The following NRIP1 variants were observed in gnomAD, a reference collection of about 807,000 sequenced individuals.
NRIP1 encodes nuclear receptor-interacting protein 1.
A neutral mutation model predicts 75.0 loss-of-function variants in NRIP1; 28 were observed. That is an observed-to-expected ratio of 0.37 (90% CI 0.28 to 0.51). The LOEUF (loss-of-function observed/expected upper bound fraction) is 0.51, where lower values mean the gene tolerates loss of function less well. Among genes scored for constraint, NRIP1 ranks in the 20% least tolerant of loss-of-function variants. The pLI is 0.92. For missense variants in NRIP1, 1,435 were observed against 1,343.7 expected, an observed-to-expected ratio of 1.07 and a Z score of -1.06; for synonymous variants, 526 against 487.6, an observed-to-expected ratio of 1.08 and a Z score of -1.04.
intron 1 of NRIP1, among the ~76,000 whole-genome samples, chr21:15,060,362 C>G (rs1375308890): frequency 6.6e-6 from 1 of 152,124 alleles, no homozygotes; most frequent in Admixed American, 6.5e-5. Context: ...GATAAGACTT[C>G]AGGAGTTTCT....
rs1332356280 is a variant in NRIP1 at position 15,023,236 on chromosome 21, GCTATAAAAATGACTATTCAC to G, written c.-457-8790_-457-8771del. Among the ~76,000 whole-genome samples the G allele has an allele frequency of 2.1e-4, 32 of 152,274 alleles. No homozygotes were observed. In the East Asian group the frequency reaches 2.9e-3, roughly 14 times the overall value. ...AGTATGTAAATTATATCTCAGTAAA[GCTATAAAAATGACTATTCAC>G]CTAATACTTATTAAAACATCAAAAG... On this transcript the variant is annotated intron_variant, in intron 2 of 3. Transcript: ENST00000318948.
chr21:14,996,848 A>C (rs1395485604), intron 3 of NRIP1, among the ~76,000 whole-genome samples: 2 of 151,780 alleles, frequency 1.3e-5, no homozygotes, highest in Non-Finnish European at 2.9e-5. Context: ...ATAAATATAT[A>C]TAATTATTTA....
intron 1 of NRIP1, among the ~76,000 whole-genome samples, chr21:15,053,317 A>T: frequency 6.6e-6 from 1 of 152,224 alleles, no homozygotes; most frequent in South Asian, 2.1e-4. Flanking sequence ...AGGAATACCC[A>T]TGGATGTGTA....
At chr21:14,980,261 G>A (rs536207754) in intron 3 of NRIP1, among the ~76,000 whole-genome samples, 19 of 152,016 alleles carry the variant, frequency 1.2e-4, no homozygotes, top group East Asian at 3.9e-4. Context: ...AGGCTGAGGC[G>A]GGAGGAGTTC....
At chr21:14,979,465 A>C (rs1413740348) in intron 3 of NRIP1, among the ~76,000 whole-genome samples, 2 of 152,214 alleles carry the variant, frequency 1.3e-5, no homozygotes, top group Admixed American at 1.3e-4. Flanking sequence ...GATCAGCAAG[A>C]AAGATTACCA....
At chr21:14,979,439 C>T (rs889888241) in intron 3 of NRIP1, among the ~76,000 whole-genome samples, 1 of 152,134 alleles carries the variant, frequency 6.6e-6, no homozygotes, top group African/African-American at 2.4e-5. Flanking sequence ...GACACAAGCA[C>T]AAGGTCAAGG....
At chr21:15,014,309 T>C (rs1266658664) in intron 3 of NRIP1, 35 bp downstream of exon 3, 1 of 395,964 alleles carries the variant, frequency 2.5e-6, no homozygotes, top group African/African-American at 2.1e-5. Flanking sequence ...TCATAATGAT[T>C]AAGCCTTAAG....
intron 3 of NRIP1, among the ~76,000 whole-genome samples, chr21:15,004,620 G>A (rs1302987615): frequency 1.3e-5 from 2 of 152,216 alleles, no homozygotes; most frequent in African/African-American, 2.4e-5. Context: ...TGGCTACCGA[G>A]TGTTCATGGA....
At chr21:15,059,438 A>G (rs1279426753) in intron 1 of NRIP1, among the ~76,000 whole-genome samples, 1 of 152,132 alleles carries the variant, frequency 6.6e-6, no homozygotes, top group East Asian at 1.9e-4. Flanking sequence ...TAACCCTGTC[A>G]GATAATTCTA....
At chr21:15,003,564 TA>T (rs1022902641) in intron 3 of NRIP1, among the ~76,000 whole-genome samples, 1 of 152,204 alleles carries the variant, frequency 6.6e-6, no homozygotes, top group Non-Finnish European at 1.5e-5. Context: ...CTAAATGACC[TA>T]AAGCTTCCCT....
chr21:14,975,381 T>TA (rs1486297121), intron 3 of NRIP1, among the ~76,000 whole-genome samples: 1 of 152,112 alleles, frequency 6.6e-6, no homozygotes, highest in African/African-American at 2.4e-5. Flanking sequence ...GGAAAGACTA[T>TA]AAAGACAGTG....
rs146773365 is a variant in NRIP1, at chr21:14,975,360, TAAAAC to T, written c.-334-6839_-334-6835del. ...GAATCATCAATTTTTAATAAAAACTTAAAACAAAAGGGAAAGACTATAAAGACAGT... is the reference window on the plus strand; with the variant it reads ...GAATCATCAATTTTTAATAAAAACTTAAAAGGGAAAGACTATAAAGACAGT... On this transcript the variant is annotated intron_variant, in intron 3 of 3. Coordinates refer to ENST00000318948, the MANE Select transcript of NRIP1 (RefSeq NM_003489.4). Among the ~76,000 whole-genome samples, 769 of 152,250 alleles carry T rather than the reference TAAAAC, an allele frequency of 5.1e-3. 16 individuals are homozygous for T. Among genetic ancestry groups the T allele is most frequent in the African/African-American group, 0.018 (734 of 41,560 alleles).
At chr21:15,015,319 T>C (rs143074396) in intron 2 of NRIP1, among the ~76,000 whole-genome samples, 300 of 152,342 alleles carry the variant, frequency 2.0e-3, no homozygotes, top group African/African-American at 6.5e-3. Flanking sequence ...ATGGTGATGA[T>C]GGTTTCACAG....
chr21:14,998,218 G>C (rs1215113874), intron 3 of NRIP1, among the ~76,000 whole-genome samples: 1 of 152,154 alleles, frequency 6.6e-6, no homozygotes, highest in Non-Finnish European at 1.5e-5. Flanking sequence ...TCAGCACCCT[G>C]AACTAGGCAT....
chr21:14,994,008 T>C (rs2087645445), intron 3 of NRIP1, among the ~76,000 whole-genome samples: 1 of 152,218 alleles, frequency 6.6e-6, no homozygotes. Context: ...TTTATATATT[T>C]TACTATGCCT....
intron 3 of NRIP1, among the ~76,000 whole-genome samples, chr21:14,970,405 G>C (rs1717407651): frequency 6.6e-6 from 1 of 152,092 alleles, no homozygotes; most frequent in Admixed American, 6.5e-5. Context: ...AATTAGCCGG[G>C]TATGGTGGCA....
At chr21:15,026,424 T>C (rs2088522650) in intron 2 of NRIP1, among the ~76,000 whole-genome samples, 1 of 152,200 alleles carries the variant, frequency 6.6e-6, no homozygotes. Context: ...CAGAAACTTC[T>C]GATATATTAT....
intron 1 of NRIP1, among the ~76,000 whole-genome samples, chr21:15,057,923 C>T (rs2089341348): frequency 6.6e-6 from 1 of 152,140 alleles, no homozygotes; most frequent in African/African-American, 2.4e-5. Context: ...TTTCCCTGCT[C>T]CCCCTCCCAA....
chr21:15,020,504 G>C (rs537254098), intron 2 of NRIP1, among the ~76,000 whole-genome samples: 133 of 152,112 alleles, frequency 8.7e-4, no homozygotes, highest in African/African-American at 3.1e-3. Context: ...GAAGGAATAG[G>C]ATAAACTCTT....
Sources: gnomAD v4.1 joint callset for allele counts (sites outside exome capture counted in the v4.1 genomes callset) on GRCh38, gnomAD v4.1.1 for gene constraint, MANE v1.5 for transcripts, NCBI Gene and HGNC (gene_info 2026-07-23, HGNC 2026-07-21) for gene names.